The following SLC1A2 variants were observed in gnomAD, a reference collection of about 807,000 sequenced individuals.
SLC1A2 encodes the protein solute carrier family 1 member 2, also known as excitatory amino acid transporter 2.
A neutral mutation model predicts 48.8 loss-of-function variants in SLC1A2; 15 were observed. That is an observed-to-expected ratio of 0.31 (90% CI 0.21 to 0.47). SLC1A2 has a LOEUF of 0.47. SLC1A2 is among the 20% of genes least tolerant of loss of function. The pLI, the probability that SLC1A2 is intolerant of heterozygous loss-of-function variation, is 0.99. For missense variants in SLC1A2, 502 were observed against 730.5 expected (o/e 0.69, Z 3.61); for synonymous variants, 279 against 272.6 (o/e 1.02, Z -0.23).
chr11:35,350,891 C>T (rs1853226234), intron 1 of SLC1A2, among the ~76,000 whole-genome samples: 1 of 152,068 alleles, frequency 6.6e-6, no homozygotes, highest in Non-Finnish European at 1.5e-5. Context: ...TCTTCTGACT[C>T]CCCTAAACTT....
intron 6 of SLC1A2, among the ~76,000 whole-genome samples, chr11:35,295,823 C>A (rs184012460): frequency 6.6e-6 from 1 of 152,316 alleles, no homozygotes; most frequent in East Asian, 1.9e-4. Context: ...TCCACAAACA[C>A]ACTCATCTAC....
chr11:35,280,798 C>T, intron 9 of SLC1A2, 69 bp downstream of exon 9: 3 of 1,133,756 alleles, frequency 2.6e-6, no homozygotes, highest in Non-Finnish European at 3.7e-6. Context: ...TGGTTGCAAC[C>T]TTGCCACCTG....
At position 35,355,659 on chromosome 11, in the gene SLC1A2, C is replaced by T. The variant is rs151324581; in HGVS notation, c.18-38143G>A. ...CAGCACTTTGGGAGACTGAGGTAGG[C>T]GGATCACTTGAGGTCAGGAGTTCAA... On this transcript the variant is annotated intron_variant, in intron 1 of 10. Transcript: ENST00000278379. 1.9e-4 allele frequency among the ~76,000 whole-genome samples: 29 copies of T among 152,120 alleles called. No homozygotes were observed. In the East Asian group the frequency reaches 5.2e-3, roughly 27 times the overall value.
Position 35,251,370 on chromosome 11 carries a change from TA to T in SLC1A2, c.*9523del, listed in dbSNP as rs1418716659. ...CACATTGTAAGAAAGCTTAGAAAGC[TA>T]AAGGCGAAAACAAAAGACCTCAACT... On this transcript the variant is annotated 3_prime_UTR_variant, in exon 11 of 11. Transcript: ENST00000278379. 4 of 152,656 alleles carry T rather than the reference TA, an allele frequency of 2.6e-5. No individual in the cohort carries two copies. The highest frequency in any genetic ancestry group is 9.6e-5 in the African/African-American group (4 of 41,460). The allele number at this position is 152,656 out of a possible 1,614,324, so 9.5% of individuals were successfully genotyped here. A position where few individuals can be genotyped will look rare whatever the true frequency, so the allele number is the denominator to read the frequency against.
chr11:35,288,867 T>C (rs533954757), intron 7 of SLC1A2, among the ~76,000 whole-genome samples: 90 of 150,538 alleles, frequency 6.0e-4, no homozygotes, highest in African/African-American at 2.1e-3. Context: ...CTGGGAAAAA[T>C]GATTGGTAAG....
chr11:35,338,323 T>C (rs1852708846), intron 1 of SLC1A2, among the ~76,000 whole-genome samples: 1 of 152,166 alleles, frequency 6.6e-6, no homozygotes, highest in African/African-American at 2.4e-5. Context: ...GTTTTTTGCC[T>C]CCCTAGTGTC....
Position 35,280,915 on chromosome 11 carries a change from C to T in SLC1A2, c.1373G>A (p.Gly458Asp). 6.2e-7 allele frequency: 1 copy of T among 1,613,378 alleles called. No individual in the cohort carries two copies. Among genetic ancestry groups the T allele is most frequent in the Non-Finnish European group, 8.5e-7 (1 of 1,179,798 alleles). The change falls in exon 9 of 11, where the codon GGC (glycine) becomes GAC (aspartate). Residue 458 changes from glycine to aspartate, a missense_variant. By Grantham distance (94) the Gly-to-Asp change is moderately conservative. Coordinates refer to ENST00000278379, the MANE Select transcript of SLC1A2 (RefSeq NM_004171.4). ...VTMLLILTAV[G>D]LPTEDISLLV... ...CAGGCTGATGTCCTCTGTTGGCAGG[C>T]CCACGGCTGTCAGAATGAGGAGCAT...
intron 1 of SLC1A2, among the ~76,000 whole-genome samples, chr11:35,349,591 C>A (rs1208862097): frequency 6.6e-6 from 1 of 152,214 alleles, no homozygotes; most frequent in Non-Finnish European, 1.5e-5. Context: ...CCTTTCGCTG[C>A]AGCTAGCCAC....
intron 1 of SLC1A2, among the ~76,000 whole-genome samples, chr11:35,415,661 G>A (rs1362227893): frequency 6.6e-6 from 1 of 152,120 alleles, no homozygotes; most frequent in African/African-American, 2.4e-5. Flanking sequence ...TAAATTCAAG[G>A]GGTCTCCCTT....
intron 4 of SLC1A2, among the ~76,000 whole-genome samples, chr11:35,311,879 A>AGAGAGAGAGAGAGAGAGG (rs1565233278): frequency 3.2e-5 from 2 of 63,258 alleles, no homozygotes; most frequent in Non-Finnish European, 6.6e-5. Context: ...AAGGAGAGAG[A>AGAGAGAGAGAGAGAGAGG]GAGAGAGAGA....
chr11:35,387,591 T>C (rs1329754748), intron 1 of SLC1A2, among the ~76,000 whole-genome samples: 1 of 152,242 alleles, frequency 6.6e-6, no homozygotes, highest in African/African-American at 2.4e-5. Flanking sequence ...CTGCAAGGCC[T>C]ATTTGTTTTT....
Position 35,256,885 on chromosome 11 carries a change from C to T in SLC1A2, c.*4009G>A, listed in dbSNP as rs1286357049. 3 of 152,080 alleles carry T rather than the reference C, an allele frequency of 2.0e-5. No homozygotes were observed. The East Asian group carries it at 5.8e-4, about 29-fold the overall frequency. The allele number at this position is 152,080 out of a possible 1,614,324, so 9.4% of individuals were successfully genotyped here. A position where few individuals can be genotyped will look rare whatever the true frequency, so the allele number is the denominator to read the frequency against. On this transcript the variant is annotated 3_prime_UTR_variant, in exon 11 of 11. Transcript: ENST00000278379. ...ATGAGAGCTAATGAGACTTGTTTTT[C>T]AGGAGTCAGAACTATGGAGAATTCT...
intron 9 of SLC1A2, among the ~76,000 whole-genome samples, chr11:35,273,989 G>A (rs1591412593): frequency 6.6e-6 from 1 of 152,236 alleles, no homozygotes. Flanking sequence ...GGGGTGTCCA[G>A]AGAGCTGGGG....
intron 1 of SLC1A2, among the ~76,000 whole-genome samples, chr11:35,384,349 C>T (rs1426793428): frequency 4.6e-5 from 7 of 152,114 alleles, no homozygotes; most frequent in African/African-American, 1.7e-4. Flanking sequence ...TGACTATTCT[C>T]ATCCACGCAG....
At chr11:35,353,853 C>T (rs912200578) in intron 1 of SLC1A2, among the ~76,000 whole-genome samples, 7 of 152,164 alleles carry the variant, frequency 4.6e-5, no homozygotes, top group Non-Finnish European at 8.8e-5. Flanking sequence ...CAATTACAGG[C>T]CAAAGCCTCC....
chr11:35,419,046 G>A lies in SLC1A2; in HGVS notation c.-80C>T. The A allele has an allele frequency of 1.5e-6, 2 of 1,340,216 alleles. No homozygotes were observed. The highest frequency in any genetic ancestry group is 1.3e-5 in the South Asian group (1 of 78,212). The allele number at this position is 1,340,216 out of a possible 1,614,324, so 83.0% of individuals were successfully genotyped here. A position where few individuals can be genotyped will look rare whatever the true frequency, so the allele number is the denominator to read the frequency against. On this transcript the variant is annotated 5_prime_UTR_variant, in exon 1 of 11. Transcript: ENST00000278379. This position sits in a 1 kb window ranked among gnomAD's most constrained non-coding sequence, Gnocchi z 5.4. ...AGAAAGCGGACGCCGGGGTGAGCGC[G>A]AAGTGCGGCCGGGAGCGGTATTTAA...
In SLC1A2 at chr11:35,257,090, G is replaced by A. The variant is rs759581766; in HGVS notation, c.*3804C>T. 1 of 152,174 alleles carries A rather than the reference G, an allele frequency of 6.6e-6. No homozygotes were observed. Among genetic ancestry groups the A allele is most frequent in the Non-Finnish European group, 1.5e-5 (1 of 68,038 alleles). The allele number at this position is 152,174 out of a possible 1,614,324, so 9.4% of individuals were successfully genotyped here. On this transcript the variant is annotated 3_prime_UTR_variant, in exon 11 of 11. Coordinates refer to ENST00000278379, the MANE Select transcript of SLC1A2 (RefSeq NM_004171.4). ...ATGGCAGAATTGGGTTTCCTTTGGTGGACCCAGTAAATGAGTTTCCCAACC... is the reference window on the plus strand; with the variant it reads ...ATGGCAGAATTGGGTTTCCTTTGGTAGACCCAGTAAATGAGTTTCCCAACC...
intron 1 of SLC1A2, among the ~76,000 whole-genome samples, chr11:35,354,759 C>T (rs1217583333): frequency 6.6e-6 from 1 of 152,120 alleles, no homozygotes; most frequent in African/African-American, 2.4e-5. Context: ...CCCAACCGCC[C>T]GCATCCCTGT....
At chr11:35,305,826 A>T (rs1851483420) in intron 5 of SLC1A2, among the ~76,000 whole-genome samples, 1 of 152,160 alleles carries the variant, frequency 6.6e-6, no homozygotes, top group African/African-American at 2.4e-5. Flanking sequence ...GTGCCCAATG[A>T]CGGTGAGCTC....
Sources: allele counts gnomAD v4.1 joint callset (sites outside exome capture counted in the v4.1 genomes callset), GRCh38; gene constraint gnomAD v4.1.1; non-coding constraint Gnocchi (gnomAD v3.1); transcripts MANE v1.5; gene names NCBI Gene and HGNC (gene_info 2026-07-23, HGNC 2026-07-21).